The following SLC30A6 variants were observed in gnomAD, a reference collection of about 807,000 sequenced individuals.
SLC30A6 encodes solute carrier family 30 member 6, also known as zinc transporter 6.
Under a neutral mutation model 63.0 loss-of-function variants are expected in SLC30A6, and 55 were observed. That is an observed-to-expected ratio of 0.87 (90% CI 0.70 to 1.09). The LOEUF is 1.09. Ranked by LOEUF, SLC30A6 falls within the 50% of genes least tolerant of loss-of-function variation. The pLI is 0.00. For missense variants in SLC30A6, 587 were observed against 549.2 expected (o/e 1.07, Z -0.69); for synonymous variants, 224 against 186.1 (o/e 1.20, Z -1.66).
chr2:32,213,858 C>T (rs1399035606), intron 13 of SLC30A6, among the ~76,000 whole-genome samples: 2 of 126,878 alleles, frequency 1.6e-5, no homozygotes, highest in Non-Finnish European at 3.1e-5. Flanking sequence ...GGCTGGAGTG[C>T]AATGGCATGA....
At position 32,221,700 on chromosome 2, in the gene SLC30A6, TAA is replaced by T. The variant is rs939203851; in HGVS notation, c.*989_*990del. The T allele has an allele frequency of 1.4e-4, 22 of 152,306 alleles. No homozygotes were observed. Among genetic ancestry groups the T allele is most frequent in the African/African-American group, 4.8e-4 (20 of 41,588 alleles). The allele number at this position is 152,306 out of a possible 1,614,324, so 9.4% of individuals were successfully genotyped here. A position where few individuals can be genotyped will look rare whatever the true frequency, so the allele number is the denominator to read the frequency against. On this transcript the variant is annotated 3_prime_UTR_variant, in exon 14 of 14. Coordinates refer to ENST00000282587, the MANE Select transcript of SLC30A6 (RefSeq NM_017964.5). The stretch of plus-strand genomic sequence containing the variant: ...AATTTTTAATTATCAAGATTTTTGT[TAA>T]AGTTTCTCTCCTTTAAAAATTTTAG...
intron 1 of SLC30A6, among the ~76,000 whole-genome samples, chr2:32,170,549 T>C (rs940297057): frequency 7.9e-5 from 12 of 152,332 alleles, no homozygotes; most frequent in African/African-American, 2.6e-4. Context: ...TCAGATACTT[T>C]GACTGAATGC....
intron 5 of SLC30A6, among the ~76,000 whole-genome samples, chr2:32,191,512 A>G (rs908971432): frequency 4.6e-5 from 7 of 152,214 alleles, no homozygotes; most frequent in Non-Finnish European, 1.0e-4. Context: ...AGGAAAAACT[A>G]AAACAACAGT....
rs914864624 is a variant in SLC30A6, at chr2:32,221,537, A to G, written c.*824A>G. On this transcript the variant is annotated 3_prime_UTR_variant, in exon 14 of 14. Transcript: ENST00000282587. ...GGAAAGGGAAAAATGTCTGTTCAAA[A>G]AGTAAAAGTCTCTTTTATAGCTTTT... 2 of 152,196 alleles carry G rather than the reference A, an allele frequency of 1.3e-5. No individual in the cohort carries two copies. The highest frequency in any genetic ancestry group is 4.8e-5 in the African/African-American group (2 of 41,452). 9.4% of individuals were successfully genotyped at this position (152,196 alleles called of 1,614,324 possible).
rs1229956405 is a variant in SLC30A6, at chr2:32,197,887, A to G, written c.665+61A>G. 5 of 1,591,092 alleles carry G rather than the reference A, an allele frequency of 3.1e-6. No individual in the cohort carries two copies. In the East Asian group the frequency reaches 9.0e-5, roughly 28 times the overall value. On this transcript the variant is annotated intron_variant, in intron 10 of 13. Coordinates refer to ENST00000282587, the MANE Select transcript of SLC30A6 (RefSeq NM_017964.5). ...TTTCTGGGGACTTACTTTTAAGGGC[A>G]TCAGCAGGATGGATAGTGGTCAAGC... is the stretch of plus-strand genomic sequence containing the variant.
intron 1 of SLC30A6, among the ~76,000 whole-genome samples, chr2:32,169,630 T>A (rs1241977731): frequency 1.3e-5 from 2 of 152,032 alleles, no homozygotes; most frequent in Non-Finnish European, 2.9e-5. Context: ...TAAAAAAAAA[T>A]TAGCCGGGCG....
chr2:32,181,910 A>G lies in SLC30A6; in HGVS notation c.219-2363A>G, dbSNP rs143414636. 3.2e-3 allele frequency among the ~76,000 whole-genome samples: 472 copies of G among 149,454 alleles called. 3 individuals are homozygous for G. The highest frequency in any genetic ancestry group is 0.011 in the African/African-American group (457 of 40,592). On this transcript the variant is annotated intron_variant, in intron 4 of 13. Transcript: ENST00000282587. Reference sequence around the variant, plus strand: ...TAATAAATTAATGATTGAAGCTTCAATTGTATATTTCGTTTTTCTTTTCTT... The same window carrying G: ...TAATAAATTAATGATTGAAGCTTCAGTTGTATATTTCGTTTTTCTTTTCTT...
chr2:32,206,492 G>T (rs1488109834), intron 11 of SLC30A6, among the ~76,000 whole-genome samples: 1 of 151,506 alleles, frequency 6.6e-6, no homozygotes, highest in African/African-American at 2.4e-5. Flanking sequence ...AAGCACTGTG[G>T]TTCCTTCTGT....
rs551191753 is a variant in SLC30A6, at chr2:32,220,431, T to C, written c.1104T>C (p.Asp368=). The change falls in exon 14 of 14, where the codon GAT becomes GAC. Residue 368 remains aspartate (D), a synonymous_variant. Transcript: ENST00000282587. ...VIPMPLLKGT[D]DLNPVTSTPA... is the part of the protein sequence containing the mutation. ...CAATGCCTCTTTTAAAGGGTACTGA[T>C]GATTTGAACCCAGTTACATCAACTC... The C allele has an allele frequency of 6.2e-7, 1 of 1,614,248 alleles. No homozygotes were observed. Among genetic ancestry groups the C allele is most frequent in the East Asian group, 2.2e-5 (1 of 44,892 alleles).
At chr2:32,186,009 G>C (rs1234414529) in intron 5 of SLC30A6, among the ~76,000 whole-genome samples, 2 of 151,732 alleles carry the variant, frequency 1.3e-5, no homozygotes, top group South Asian at 4.2e-4. Context: ...GGGATTACAG[G>C]TGTGATCCAC....
rs558136464 is a variant in SLC30A6 at position 32,182,373 on chromosome 2, A to G, written c.219-1900A>G. On this transcript the variant is annotated intron_variant, in intron 4 of 13. Coordinates refer to ENST00000282587, the MANE Select transcript of SLC30A6 (RefSeq NM_017964.5). ...TAAATACCATATTCTTGCTGCTTAC[A>G]TGAATTGGAAGTGAGATTAGCACAC... Among the ~76,000 whole-genome samples, 6 of 152,344 alleles carry G rather than the reference A, an allele frequency of 3.9e-5. No homozygotes were observed. In the South Asian group the frequency reaches 1.0e-3, roughly 26 times the overall value.
intron 2 of SLC30A6, among the ~76,000 whole-genome samples, chr2:32,173,375 CTT>C (rs1193864679): frequency 1.1e-4 from 15 of 141,226 alleles, no homozygotes; most frequent in Admixed American, 1.4e-4. Flanking sequence ...AAAGTCAGTA[CTT>C]TTTTTTTTTT....
At chr2:32,210,781 T>C (rs1384338131) in intron 13 of SLC30A6, among the ~76,000 whole-genome samples, 1 of 152,018 alleles carries the variant, frequency 6.6e-6, no homozygotes, top group Non-Finnish European at 1.5e-5. Flanking sequence ...AGTGGGAAAA[T>C]GGTTGCTTCA....
intron 2 of SLC30A6, among the ~76,000 whole-genome samples, chr2:32,173,611 A>G (rs1259655016): frequency 1.3e-5 from 2 of 151,938 alleles, no homozygotes; most frequent in African/African-American, 4.8e-5. Flanking sequence ...ACCTCCACCC[A>G]CCTTGGCCTC....
At chr2:32,211,682 A>G (rs187665618) in intron 13 of SLC30A6, among the ~76,000 whole-genome samples, 19 of 152,052 alleles carry the variant, frequency 1.2e-4, no homozygotes, top group African/African-American at 4.1e-4. Flanking sequence ...CAGTAGTGCA[A>G]TCTCGGCTCA....
intron 3 of SLC30A6, among the ~76,000 whole-genome samples, 163 bp from the exon 4 acceptor site, chr2:32,175,156 A>G (rs1243283162): frequency 2.0e-5 from 3 of 152,186 alleles, no homozygotes; most frequent in African/African-American, 4.8e-5. Flanking sequence ...TTGGCTACAT[A>G]TATTTATCAG....
At chr2:32,203,542 C>T in intron 10 of SLC30A6, 1 of 1,605,692 alleles carries the variant, frequency 6.2e-7, no homozygotes, top group Non-Finnish European at 8.5e-7. Flanking sequence ...GATCTTTGAT[C>T]ACCTCTGATA....
intron 13 of SLC30A6, among the ~76,000 whole-genome samples, chr2:32,212,894 A>ATTTTTTTTTTTTTTTTTTTTTTTT (rs10522618): frequency 8.5e-6 from 1 of 118,242 alleles, no homozygotes; most frequent in African/African-American, 3.2e-5. Context: ...TGTGTCCAGC[A>ATTTTTTTTTTTTTTTTTTTTTTTT]TTTTTTTTTT....
At chr2:32,178,761 C>T (rs1682020830) in intron 4 of SLC30A6, among the ~76,000 whole-genome samples, 1 of 152,248 alleles carries the variant, frequency 6.6e-6, no homozygotes, top group East Asian at 1.9e-4. Context: ...TCCCATTGAT[C>T]TGTATGTCTG....
Sources: gnomAD v4.1 joint callset for allele counts (sites outside exome capture counted in the v4.1 genomes callset) on GRCh38, gnomAD v4.1.1 for gene constraint, MANE v1.5 for transcripts, NCBI Gene and HGNC (gene_info 2026-07-23, HGNC 2026-07-21) for gene names.